Variants in AUTS2 observed in about 807,000 individuals in gnomAD.
AUTS2 encodes the protein autism susceptibility gene 2 protein.
In AUTS2, 17 loss-of-function variants were observed where a neutral mutation model predicts 112.4. That is an observed-to-expected ratio of 0.15 (90% CI 0.10 to 0.23). The LOEUF is 0.23. AUTS2 is among the 10% of genes least tolerant of loss of function. AUTS2 has a pLI of 1.00. For synonymous variants in AUTS2, 751 were observed against 702.7 expected (o/e 1.07, Z -1.09); for missense variants, 1,510 against 1,701.6 (o/e 0.89, Z 1.98).
At chr7:70,246,996 G>T (rs1310630922) in intron 4 of AUTS2, among the ~76,000 whole-genome samples, 1 of 151,782 alleles carries the variant, frequency 6.6e-6, no homozygotes, top group Non-Finnish European at 1.5e-5. Context: ...AACCATGTTA[G>T]CAGCAGTTCT....
chr7:69,954,670 C>T (rs1797150148), intron 2 of AUTS2, among the ~76,000 whole-genome samples: 1 of 152,156 alleles, frequency 6.6e-6, no homozygotes, highest in African/African-American at 2.4e-5. Flanking sequence ...TGGACAGCTT[C>T]ATTATTTTGT....
chr7:70,174,914 T>G (rs934872223), intron 4 of AUTS2, among the ~76,000 whole-genome samples: 2 of 152,162 alleles, frequency 1.3e-5, no homozygotes, highest in Non-Finnish European at 2.9e-5. Flanking sequence ...TGACAGAACA[T>G]TTATTTTACC....
Position 69,949,189 on chromosome 7 carries a change from A to C in AUTS2, c.522+49691A>C, listed in dbSNP as rs183087216. ...TAGAACATCATAAACCCAAGTGATGAACAGAATGGATGTAACTTAGTGCGT... is the reference window on the plus strand; with the variant it reads ...TAGAACATCATAAACCCAAGTGATGCACAGAATGGATGTAACTTAGTGCGT... On this transcript the variant is annotated intron_variant, in intron 2 of 18. Coordinates refer to ENST00000342771, the MANE Select transcript of AUTS2 (RefSeq NM_015570.4). 3.9e-5 allele frequency among the ~76,000 whole-genome samples: 6 copies of C among 152,342 alleles called. No homozygotes were observed. In the East Asian group the frequency reaches 1.2e-3, roughly 29 times the overall value.
chr7:69,602,312 C>T (rs868476329), intron 1 of AUTS2, among the ~76,000 whole-genome samples: 1 of 151,948 alleles, frequency 6.6e-6, no homozygotes, highest in Non-Finnish European at 1.5e-5. Context: ...TTTTCTGCTA[C>T]TTTTCTAGAT....
chr7:69,681,630 AC>A (rs1409081600), intron 1 of AUTS2, among the ~76,000 whole-genome samples: 2 of 152,176 alleles, frequency 1.3e-5, no homozygotes, highest in East Asian at 3.9e-4. Context: ...TAGGCAAGTT[AC>A]CTCCACTCTG....
intron 6 of AUTS2, among the ~76,000 whole-genome samples, chr7:70,749,330 A>G (rs537926182): frequency 6.6e-6 from 1 of 152,106 alleles, no homozygotes; most frequent in African/African-American, 2.4e-5. Flanking sequence ...GCAAACTTGA[A>G]TGTGCATGGG....
At chr7:70,011,347 C>T (rs1341493815) in intron 2 of AUTS2, among the ~76,000 whole-genome samples, 1 of 148,544 alleles carries the variant, frequency 6.7e-6, no homozygotes, top group Non-Finnish European at 1.5e-5. Flanking sequence ...CTCCTCTCCT[C>T]TCCTCTCCTC....
At chr7:70,674,626 C>T (rs531510835) in intron 5 of AUTS2, among the ~76,000 whole-genome samples, 1 of 152,338 alleles carries the variant, frequency 6.6e-6, no homozygotes, top group Admixed American at 6.5e-5. Flanking sequence ...TCCACCTCCT[C>T]TGCCGCTGCA....
chr7:70,322,784 GT>G (rs1395188811), intron 4 of AUTS2, among the ~76,000 whole-genome samples: 1 of 152,184 alleles, frequency 6.6e-6, no homozygotes, highest in Non-Finnish European at 1.5e-5. Context: ...GCAGATGCTG[GT>G]ACCAGGAATG....
chr7:70,058,545 T>G (rs1184953253), intron 2 of AUTS2, among the ~76,000 whole-genome samples: 1 of 152,148 alleles, frequency 6.6e-6, no homozygotes, highest in Non-Finnish European at 1.5e-5. Context: ...TTAAAAACTT[T>G]TGAAGCAGAG....
At chr7:70,026,470 A>G (rs1800529885) in intron 2 of AUTS2, among the ~76,000 whole-genome samples, 1 of 152,054 alleles carries the variant, frequency 6.6e-6, no homozygotes, top group African/African-American at 2.4e-5. Flanking sequence ...ACACAGAGGA[A>G]GAGCTTACTT....
chr7:70,649,571 C>G (rs193115907), intron 5 of AUTS2, among the ~76,000 whole-genome samples: 1 of 151,656 alleles, frequency 6.6e-6, no homozygotes, highest in Non-Finnish European at 1.5e-5. Flanking sequence ...CACTGTCACC[C>G]GGGCTGGAGT....
At chr7:69,631,292 A>G (rs554484211) in intron 1 of AUTS2, among the ~76,000 whole-genome samples, 1 of 152,260 alleles carries the variant, frequency 6.6e-6, no homozygotes, top group South Asian at 2.1e-4. Context: ...AGAAGAGGGC[A>G]GTGTTTCTGT....
intron 1 of AUTS2, among the ~76,000 whole-genome samples, chr7:69,684,882 G>A (rs756578453): frequency 6.6e-6 from 1 of 152,188 alleles, no homozygotes; most frequent in African/African-American, 2.4e-5. Flanking sequence ...TACTAGGGGA[G>A]TGGTTTTTCT....
intron 5 of AUTS2, among the ~76,000 whole-genome samples, chr7:70,511,169 G>A (rs1799168852): frequency 6.6e-6 from 1 of 152,040 alleles, no homozygotes; most frequent in Admixed American, 6.6e-5. Context: ...AATTAGCATA[G>A]CAAAAGCCTT....
At position 69,675,739 on chromosome 7, in the gene AUTS2, T is replaced by A. The variant is rs143587379; in HGVS notation, c.309+75777T>A. Among the ~76,000 whole-genome samples, 352 of 152,158 alleles carry A rather than the reference T, an allele frequency of 2.3e-3. 1 individual carries two copies. The highest frequency in any genetic ancestry group is 7.4e-3 in the African/African-American group (309 of 41,510). The stretch of plus-strand genomic sequence containing the variant: ...CCAGGTTGGTCTCGAACTCCTGACC[T>A]CAGGTGGTCCTCCTGTCTTGGCCTC... On this transcript the variant is annotated intron_variant, in intron 1 of 18. Coordinates refer to ENST00000342771, the MANE Select transcript of AUTS2 (RefSeq NM_015570.4).
At chr7:69,800,853 C>A (rs1372477548) in intron 1 of AUTS2, among the ~76,000 whole-genome samples, 4 of 152,136 alleles carry the variant, frequency 2.6e-5, no homozygotes. Flanking sequence ...CAAGCCCTCC[C>A]ATTTATTTAC....
chr7:70,193,436 G>T (rs938106509), intron 4 of AUTS2, among the ~76,000 whole-genome samples: 3 of 152,150 alleles, frequency 2.0e-5, no homozygotes, highest in Non-Finnish European at 4.4e-5. Flanking sequence ...ATGCTATTTT[G>T]CATTAAAAGA....
rs370713676 is a variant in AUTS2, at chr7:70,582,271, G to A, written c.691-116298G>A. On this transcript the variant is annotated intron_variant, in intron 5 of 18. Coordinates refer to ENST00000342771, the MANE Select transcript of AUTS2 (RefSeq NM_015570.4). The stretch of plus-strand genomic sequence containing the variant: ...TGTCTTCTCAGCCCTTTTCAGACCC[G>A]CACTCTTTCCTCCATCCACATCCTC... Among the ~76,000 whole-genome samples, 68 of 151,806 alleles carry A rather than the reference G, an allele frequency of 4.5e-4. 1 individual carries two copies. The highest frequency in any genetic ancestry group is 4.4e-3 in the South Asian group (21 of 4,782).
Sources: gnomAD v4.1 joint callset for allele counts (sites outside exome capture counted in the v4.1 genomes callset) on GRCh38, gnomAD v4.1.1 for gene constraint, MANE v1.5 for transcripts, NCBI Gene and HGNC (gene_info 2026-07-23, HGNC 2026-07-21) for gene names.